Variants in PDE2A observed in about 807,000 individuals in gnomAD.
PDE2A encodes the protein phosphodiesterase 2A.
Under a neutral mutation model 133.6 loss-of-function variants are expected in PDE2A, and 53 were observed. The ratio of observed to expected loss-of-function variants is 0.40; its 90% CI spans 0.32 to 0.50. PDE2A has a LOEUF of 0.50. Among genes scored for constraint, PDE2A ranks in the 20% least tolerant of loss-of-function variants. The probability of loss-of-function intolerance (pLI) is 0.73; values close to 1 mark genes in which losing one functional copy is unlikely to be tolerated. For missense variants in PDE2A, 796 were observed against 1,232.4 expected, an observed-to-expected ratio of 0.65 and a Z score of 5.30; for synonymous variants, 491 against 490.2, an observed-to-expected ratio of 1.00 and a Z score of -0.02.
At chr11:72,664,575 G>A (rs185273456) in intron 1 of PDE2A, among the ~76,000 whole-genome samples, 3,099 of 150,934 alleles carry the variant, frequency 0.021, 87 homozygotes, top group African/African-American at 0.072. Context: ...GGGTTTCACC[G>A]TGTTAGCCAG....
At chr11:72,612,249 G>T (rs894493951) in intron 2 of PDE2A, among the ~76,000 whole-genome samples, 2 of 149,344 alleles carry the variant, frequency 1.3e-5, no homozygotes, top group South Asian at 4.2e-4. Flanking sequence ...CATATACAAG[G>T]TTGCACTTAG....
At chr11:72,581,327 G>A in intron 23 of PDE2A, 30 bp downstream of exon 23, 1 of 1,611,102 alleles carries the variant, frequency 6.2e-7, no homozygotes, top group Non-Finnish European at 8.5e-7. Flanking sequence ...CCCAGTGGCT[G>A]CCAGATGTGG....
At chr11:72,668,001 CTT>C (rs767841991) in intron 1 of PDE2A, among the ~76,000 whole-genome samples, 1 of 152,206 alleles carries the variant, frequency 6.6e-6, no homozygotes, top group Non-Finnish European at 1.5e-5. Flanking sequence ...CTCAGTCTGA[CTT>C]TGGTTTCTCC....
chr11:72,649,491 G>A (rs1453493318), intron 1 of PDE2A, among the ~76,000 whole-genome samples: 2 of 152,242 alleles, frequency 1.3e-5, no homozygotes, highest in African/African-American at 2.4e-5. Context: ...AGGAGTTGGG[G>A]CTGGATCAGA....
In PDE2A at chr11:72,666,887, T is replaced by C. The variant is rs1179387398; in HGVS notation, c.71+7250A>G. On this transcript the variant is annotated intron_variant, in intron 1 of 30. Coordinates refer to ENST00000334456, the MANE Select transcript of PDE2A (RefSeq NM_002599.5). ...TTGGGAGGCCAAGGTGGGTGGATCA[T>C]TTGAGGTCAGGAGTTCAAGACCAGC... Among the ~76,000 whole-genome samples, 13 of 151,970 alleles carry C rather than the reference T, an allele frequency of 8.6e-5. No homozygotes were observed. The East Asian group carries it at 2.3e-3, about 27-fold the overall frequency.
chr11:72,579,786 A>T (rs1271227440), intron 25 of PDE2A, 178 bp from the exon 26 acceptor site: 1 of 595,564 alleles, frequency 1.7e-6, no homozygotes, highest in Non-Finnish European at 3.0e-6. Flanking sequence ...CCTCTGTGTG[A>T]CCCAGGGTGA....
At position 72,579,773 on chromosome 11, in the gene PDE2A, A is replaced by G. The variant is rs530201014; in HGVS notation, c.2182-165T>C. 7.6e-5 allele frequency: 46 copies of G among 603,904 alleles called. No homozygotes were observed. The Admixed American group carries it at 1.0e-3, about 14-fold the overall frequency. The allele number at this position is 603,904 out of a possible 1,614,324, so 37.4% of individuals were successfully genotyped here. On this transcript the variant is annotated intron_variant, in intron 25 of 30. Coordinates refer to ENST00000334456, the MANE Select transcript of PDE2A (RefSeq NM_002599.5). ...CAGTTCCCTTTCTGAGCTCTGTTTC[A>G]ACCCTCTGTGTGACCCAGGGTGAGT...
chr11:72,583,334 G>C, intron 20 of PDE2A, 104 bp downstream of exon 20: 1 of 823,162 alleles, frequency 1.2e-6, no homozygotes, highest in Non-Finnish European at 2.1e-6. Flanking sequence ...CTGTGGCTCT[G>C]GGCCTATCCT....
intron 6 of PDE2A, among the ~76,000 whole-genome samples, chr11:72,595,545 A>G (rs954374469): frequency 7.0e-6 from 1 of 142,188 alleles, no homozygotes; most frequent in South Asian, 2.5e-4. Flanking sequence ...CCTCTCAGCC[A>G]TCCCTGACTC....
chr11:72,671,263 TC>T lies in PDE2A; in HGVS notation c.71+2873del, dbSNP rs1433402611. On this transcript the variant is annotated intron_variant, in intron 1 of 30. Transcript: ENST00000334456. ...GGACTCAGTCAGTGTCTGCTCTGTG[TC>T]CCCGGTGACAAGCCAAGTGGGCACC... is the stretch of plus-strand genomic sequence containing the variant. 2.0e-5 allele frequency among the ~76,000 whole-genome samples: 3 copies of T among 152,262 alleles called. No homozygotes were observed. In the East Asian group the frequency reaches 5.8e-4, roughly 29 times the overall value.
chr11:72,643,288 G>A (rs917288376), intron 1 of PDE2A: 3 of 152,388 alleles, frequency 2.0e-5, no homozygotes, highest in Admixed American at 2.0e-4. Flanking sequence ...GGGTCACCGG[G>A]GTCAGCTCCC....
intron 27 of PDE2A, 91 bp downstream of exon 27, chr11:72,579,193 G>T (rs192957389): frequency 1.5e-5 from 16 of 1,047,766 alleles, no homozygotes; most frequent in Middle Eastern, 2.0e-4. Context: ...TGTTGCAGGG[G>T]ATGGGTCTGC....
At chr11:72,579,132 G>A in intron 27 of PDE2A, 123 bp from the exon 28 acceptor site, 1 of 934,886 alleles carries the variant, frequency 1.1e-6, no homozygotes, top group Non-Finnish European at 1.7e-6. Flanking sequence ...GGAGCCAAGG[G>A]GCCAGTGCTG....
chr11:72,591,419 C>T (rs1248928373), intron 6 of PDE2A, 63 bp from the exon 7 acceptor site: 4 of 1,299,214 alleles, frequency 3.1e-6, no homozygotes, highest in Non-Finnish European at 4.5e-6. Context: ...TGCCAGAGTG[C>T]CCTCCCCATG....
chr11:72,635,906 C>T (rs1275716868), intron 2 of PDE2A: 27 of 1,034,134 alleles, frequency 2.6e-5, no homozygotes, highest in Admixed American at 8.3e-5. Context: ...CTCTCACTCC[C>T]GGCCCTCTCC....
intron 1 of PDE2A, among the ~76,000 whole-genome samples, chr11:72,670,809 C>T (rs577995738): frequency 2.6e-5 from 4 of 152,184 alleles, no homozygotes; most frequent in East Asian, 1.9e-4. Flanking sequence ...CTGGGCCCTG[C>T]GGAGAAGACC....
intron 2 of PDE2A, among the ~76,000 whole-genome samples, chr11:72,622,257 G>A (rs1857808929): frequency 6.6e-6 from 1 of 152,218 alleles, no homozygotes; most frequent in African/African-American, 2.4e-5. Flanking sequence ...CCTGTACACT[G>A]TCCGTGGGAA....
At chr11:72,620,296 T>C (rs1024481876) in intron 2 of PDE2A, among the ~76,000 whole-genome samples, 2 of 152,140 alleles carry the variant, frequency 1.3e-5, no homozygotes, top group African/African-American at 4.8e-5. Context: ...GCTCTCCACC[T>C]ACCCCTCAGT....
rs778474462 is a variant in PDE2A, at chr11:72,591,326, C to T, written c.520G>A (p.Glu174Lys). The T allele has an allele frequency of 1.2e-6, 2 of 1,613,914 alleles. No homozygotes were observed. Among genetic ancestry groups the T allele is most frequent in the Admixed American group, 1.7e-5 (1 of 60,004 alleles). Residue 174 changes from glutamate to lysine, a missense_variant, in exon 7 of 31, where the codon GAA becomes AAA. Glu to Lys is a moderately conservative substitution (Grantham distance 56). Around this residue, in one of 7 missense-constraint regions of PDE2A, gnomAD observed 417 missense variants for 475.3 expected, o/e 0.88. Transcript: ENST00000334456. ...VHCGQLSDNEEWSLQAVEKHT... is the reference protein window; with the variant it reads ...VHCGQLSDNEKWSLQAVEKHT... Reference sequence around the variant, plus strand: ...TTCTCCACCGCCTGCAGGCTCCATTCCTCATTATCACTCAGCTGGCCACAG... The same window carrying T: ...TTCTCCACCGCCTGCAGGCTCCATTTCTCATTATCACTCAGCTGGCCACAG...
Sources: allele counts gnomAD v4.1 joint callset (sites outside exome capture counted in the v4.1 genomes callset), GRCh38; gene constraint gnomAD v4.1.1; regional missense constraint gnomAD v4.1.1; transcripts MANE v1.5; gene names NCBI Gene and HGNC (gene_info 2026-07-23, HGNC 2026-07-21).